The following PPP1R12A variants were observed in gnomAD, a reference collection of about 807,000 sequenced individuals.
The protein encoded by PPP1R12A is protein phosphatase 1 regulatory subunit 12A.
In PPP1R12A, 19 loss-of-function variants were observed where a neutral mutation model predicts 139.6. The ratio of observed to expected loss-of-function variants is 0.14; its 90% CI spans 0.09 to 0.20. PPP1R12A has a LOEUF of 0.20. Among genes scored for constraint, PPP1R12A ranks in the 10% least tolerant of loss-of-function variants. The pLI, the probability that PPP1R12A is intolerant of heterozygous loss-of-function variation, is 1.00. For synonymous variants in PPP1R12A, 427 were observed against 420.6 expected (o/e 1.02, Z -0.19); for missense variants, 925 against 1,211.5 (o/e 0.76, Z 3.51).
At chr12:79,842,596 T>A (rs922691400) in intron 3 of PPP1R12A, among the ~76,000 whole-genome samples, 3 of 151,980 alleles carry the variant, frequency 2.0e-5, no homozygotes, top group African/African-American at 4.8e-5. Context: ...TGTGTGTGTG[T>A]GTGTGTGTGT....
At chr12:79,791,548 G>C (rs1369847119) in intron 19 of PPP1R12A, among the ~76,000 whole-genome samples, 1 of 152,084 alleles carries the variant, frequency 6.6e-6, no homozygotes, top group Non-Finnish European at 1.5e-5. Flanking sequence ...GGTTGGTCTT[G>C]AACTCCTGGG....
intron 1 of PPP1R12A, among the ~76,000 whole-genome samples, chr12:79,890,637 GCTTT>G (rs984009131): frequency 3.9e-5 from 6 of 152,046 alleles, no homozygotes; most frequent in African/African-American, 1.4e-4. Flanking sequence ...CTGAAAAGAT[GCTTT>G]CTAATTAAAC....
intron 20 of PPP1R12A, chr12:79,789,766 A>C (rs1871581852): frequency 2.6e-6 from 1 of 378,840 alleles, no homozygotes; most frequent in Admixed American, 3.9e-5. Context: ...GATAATTTTG[A>C]ATTAGGTGAC....
At chr12:79,829,473 T>A (rs1290608863) in intron 4 of PPP1R12A, among the ~76,000 whole-genome samples, 1 of 152,116 alleles carries the variant, frequency 6.6e-6, no homozygotes, top group East Asian at 1.9e-4. Flanking sequence ...TCTGAAGGGC[T>A]TGTTTTTTAA....
intron 1 of PPP1R12A, among the ~76,000 whole-genome samples, chr12:79,929,246 T>A (rs1190025322): frequency 1.3e-5 from 2 of 152,210 alleles, no homozygotes; most frequent in Non-Finnish European, 2.9e-5. Context: ...GCAGTAATGC[T>A]AGCTTGCCAG....
At chr12:79,912,126 G>T (rs988277369) in intron 1 of PPP1R12A, among the ~76,000 whole-genome samples, 3 of 152,056 alleles carry the variant, frequency 2.0e-5, no homozygotes, top group Non-Finnish European at 4.4e-5. Flanking sequence ...CTTTCACCAA[G>T]AATCTATCTC....
Position 79,932,689 on chromosome 12 carries a change from A to G in PPP1R12A, c.237+2006T>C, listed in dbSNP as rs114928305. ...GACCACTGAATTCAGTTAATCAGGA[A>G]GACATTGGTAAGTCTGACAATTCTT... On this transcript the variant is annotated intron_variant, in intron 1 of 24. Coordinates refer to ENST00000450142, the MANE Select transcript of PPP1R12A (RefSeq NM_002480.3). Among the ~76,000 whole-genome samples the G allele has an allele frequency of 2.7e-3, 410 of 152,342 alleles. 2 individuals are homozygous for G. Among genetic ancestry groups the G allele is most frequent in the African/African-American group, 9.5e-3 (396 of 41,580 alleles).
intron 4 of PPP1R12A, among the ~76,000 whole-genome samples, chr12:79,831,505 C>A (rs886325988): frequency 6.6e-6 from 1 of 152,088 alleles, no homozygotes; most frequent in African/African-American, 2.4e-5. Flanking sequence ...ACTGCCTGAG[C>A]CTCTGTCACC....
chr12:79,905,947 TTGGTA>T (rs1388452529), intron 1 of PPP1R12A, among the ~76,000 whole-genome samples: 1 of 152,188 alleles, frequency 6.6e-6, no homozygotes, highest in Non-Finnish European at 1.5e-5. Context: ...TGAAAACAAT[TTGGTA>T]ATGTTTATAA....
chr12:79,866,721 CTCA>C (rs1882004360), intron 2 of PPP1R12A, among the ~76,000 whole-genome samples: 1 of 152,168 alleles, frequency 6.6e-6, no homozygotes, highest in African/African-American at 2.4e-5. Context: ...TGAAAAAATG[CTCA>C]TCATCACTGG....
chr12:79,845,247 A>G (rs1592704885), intron 3 of PPP1R12A, 55 bp downstream of exon 3: 1 of 1,328,968 alleles, frequency 7.5e-7, no homozygotes, highest in East Asian at 2.4e-5. Context: ...TTTTGCTGGA[A>G]AAGTATCACA....
At chr12:79,801,337 C>G (rs1386926775) in intron 14 of PPP1R12A, among the ~76,000 whole-genome samples, 2 of 61,308 alleles carry the variant, frequency 3.3e-5, no homozygotes, top group Non-Finnish European at 6.5e-5. Flanking sequence ...TAGAGCAAAA[C>G]TCTGTCTCAA....
In PPP1R12A at chr12:79,774,334, A is replaced by G. The variant is rs1376909457; in HGVS notation, c.*1595T>C. The G allele has an allele frequency of 1.3e-5, 2 of 152,544 alleles. No individual in the cohort carries two copies. The highest frequency in any genetic ancestry group is 2.9e-5 in the Non-Finnish European group (2 of 68,002). The allele number at this position is 152,544 out of a possible 1,614,324, so 9.4% of individuals were successfully genotyped here. On this transcript the variant is annotated 3_prime_UTR_variant, in exon 25 of 25. Coordinates refer to ENST00000450142, the MANE Select transcript of PPP1R12A (RefSeq NM_002480.3). ...GAGGACTTAAAATCCTGCTTACCAAAACACCCTTCCCCAACCCCAAAGTAA... is the reference window on the plus strand; with the variant it reads ...GAGGACTTAAAATCCTGCTTACCAAGACACCCTTCCCCAACCCCAAAGTAA...
intron 3 of PPP1R12A, among the ~76,000 whole-genome samples, chr12:79,833,644 G>A (rs1049065157): frequency 4.8e-5 from 7 of 145,026 alleles, no homozygotes. Context: ...GGCCAAAATG[G>A]TGACACCCCG....
intron 9 of PPP1R12A, among the ~76,000 whole-genome samples, chr12:79,810,593 T>G (rs886579323): frequency 6.6e-6 from 1 of 152,138 alleles, no homozygotes; most frequent in Admixed American, 6.5e-5. Context: ...GAACAAAAAA[T>G]ATTTTCTTCA....
chr12:79,900,514 G>C (rs1174042668), intron 1 of PPP1R12A, among the ~76,000 whole-genome samples: 1 of 152,158 alleles, frequency 6.6e-6, no homozygotes, highest in Non-Finnish European at 1.5e-5. Flanking sequence ...AAATGGCAGG[G>C]AACTTAAATC....
intron 2 of PPP1R12A, among the ~76,000 whole-genome samples, chr12:79,846,204 AT>A (rs1879370850): frequency 6.6e-6 from 1 of 152,232 alleles, no homozygotes. Flanking sequence ...TTTTTTAAAT[AT>A]TTTGATAAGT....
intron 2 of PPP1R12A, among the ~76,000 whole-genome samples, chr12:79,866,425 G>A (rs574365032): frequency 6.6e-6 from 1 of 152,234 alleles, no homozygotes; most frequent in South Asian, 2.1e-4. Flanking sequence ...AAGACTTCAT[G>A]ACTAAAACAC....
At chr12:79,909,056 A>G (rs1051835281) in intron 1 of PPP1R12A, among the ~76,000 whole-genome samples, 2 of 152,072 alleles carry the variant, frequency 1.3e-5, no homozygotes, top group Non-Finnish European at 2.9e-5. Context: ...TGAGGATGGA[A>G]CCTGGTGATT....
Sources: allele counts gnomAD v4.1 joint callset (sites outside exome capture counted in the v4.1 genomes callset), GRCh38; gene constraint gnomAD v4.1.1; transcripts MANE v1.5; gene names NCBI Gene and HGNC (gene_info 2026-07-23, HGNC 2026-07-21).